Variants in DLGAP2 observed in about 807,000 individuals in gnomAD.
DLGAP2 encodes the protein disks large-associated protein 2.
A neutral mutation model predicts 100.3 loss-of-function variants in DLGAP2; 26 were observed. That is an observed-to-expected ratio of 0.26 (90% CI 0.19 to 0.36). The LOEUF is 0.36. DLGAP2 is among the 10% of genes least tolerant of loss of function. The pLI is 1.00. For missense variants in DLGAP2, 1,858 were observed against 1,453.2 expected, an observed-to-expected ratio of 1.28 and a Z score of -4.53; for synonymous variants, 886 against 630.1, an observed-to-expected ratio of 1.41 and a Z score of -6.08.
Position 819,879 on chromosome 8 carries a change from C to A in DLGAP2, c.18+82054C>A, listed in dbSNP as rs529204496. 5.9e-5 allele frequency among the ~76,000 whole-genome samples: 9 copies of A among 152,212 alleles called. No individual in the cohort carries two copies. In the South Asian group the frequency reaches 1.9e-3, roughly 32 times the overall value. On this transcript the variant is annotated intron_variant, in intron 1 of 14. Coordinates refer to ENST00000637795, the MANE Select transcript of DLGAP2 (RefSeq NM_001346810.2). ...GTGGTGACTGTGGATTATATCATTT[C>A]CATGCGAACCCTTTCCTGTTTGGAT...
chr8:1,298,833 A>C (rs1380034602), intron 3 of DLGAP2, among the ~76,000 whole-genome samples: 1 of 152,242 alleles, frequency 6.6e-6, no homozygotes, highest in Non-Finnish European at 1.5e-5. Context: ...GCTCATGAAC[A>C]GGTGCTGGTA....
intron 2 of DLGAP2, among the ~76,000 whole-genome samples, chr8:1,206,732 C>A (rs923666000): frequency 9.9e-5 from 15 of 152,222 alleles, no homozygotes; most frequent in African/African-American, 3.4e-4. Context: ...TTAGCTGCGT[C>A]CTGGAGAACT....
chr8:988,954 C>G (rs1267333662), intron 2 of DLGAP2, among the ~76,000 whole-genome samples: 2 of 152,186 alleles, frequency 1.3e-5, no homozygotes, highest in African/African-American at 2.4e-5. Flanking sequence ...ATTTTTACCT[C>G]TTTTCTTCTC....
intron 2 of DLGAP2, among the ~76,000 whole-genome samples, chr8:1,110,048 G>A (rs949137169): frequency 7.0e-6 from 1 of 142,698 alleles, no homozygotes; most frequent in Non-Finnish European, 1.5e-5. Flanking sequence ...TATGAAGTGT[G>A]CTGGGTCTGT....
chr8:1,066,014 C>T lies in DLGAP2; in HGVS notation c.73+158048C>T, dbSNP rs150017005. On this transcript the variant is annotated intron_variant, in intron 2 of 14. Coordinates refer to ENST00000637795, the MANE Select transcript of DLGAP2 (RefSeq NM_001346810.2). ...TGGCCACGTCGTGGTGGTGTCCAGG[C>T]TGTGCAGTTGCTGGGGCTAGGTCCG... Among the ~76,000 whole-genome samples the T allele has an allele frequency of 2.5e-3, 374 of 152,372 alleles. 1 individual carries two copies. The highest frequency in any genetic ancestry group is 8.1e-3 in the African/African-American group (336 of 41,592).
At chr8:812,264 C>G (rs930067794) in intron 1 of DLGAP2, among the ~76,000 whole-genome samples, 1 of 152,168 alleles carries the variant, frequency 6.6e-6, no homozygotes, top group Non-Finnish European at 1.5e-5. Flanking sequence ...GGCCCCATGA[C>G]CTTCTGCGTG....
At chr8:1,681,606 C>A (rs181306098) in intron 12 of DLGAP2, among the ~76,000 whole-genome samples, 1 of 150,408 alleles carries the variant, frequency 6.6e-6, no homozygotes, top group East Asian at 2.0e-4. Flanking sequence ...TGCAGTGAGC[C>A]GAGATCTCAC....
chr8:1,563,148 TG>T (rs1285958241), intron 5 of DLGAP2, among the ~76,000 whole-genome samples: 15 of 57,278 alleles, frequency 2.6e-4, no homozygotes, highest in African/African-American at 4.2e-4. Flanking sequence ...TGTGTGGTGT[TG>T]GGGTGTCCGC....
chr8:1,507,877 C>T (rs1216877495), intron 4 of DLGAP2, among the ~76,000 whole-genome samples: 2 of 147,816 alleles, frequency 1.4e-5, no homozygotes, highest in Non-Finnish European at 3.0e-5. Flanking sequence ...GTTCAGGCTT[C>T]AGCCTTGACC....
intron 2 of DLGAP2, among the ~76,000 whole-genome samples, chr8:926,199 C>G (rs112238357): frequency 6.6e-6 from 1 of 152,176 alleles, no homozygotes; most frequent in East Asian, 1.9e-4. Context: ...CCAGAGCCCA[C>G]GCCCACCACT....
intron 2 of DLGAP2, among the ~76,000 whole-genome samples, chr8:1,160,173 C>A (rs774464699): frequency 1.6e-4 from 24 of 152,198 alleles, no homozygotes; most frequent in Admixed American, 5.9e-4. Context: ...AAAACTGAGG[C>A]TGCTACTTAG....
intron 2 of DLGAP2, among the ~76,000 whole-genome samples, chr8:1,253,168 G>A (rs937426255): frequency 2.6e-5 from 4 of 152,220 alleles, no homozygotes; most frequent in Admixed American, 6.5e-5. Flanking sequence ...TCAGGAAAGC[G>A]GTACCCATCC....
At chr8:1,437,951 A>C (rs1797698521) in intron 3 of DLGAP2, among the ~76,000 whole-genome samples, 3 of 152,040 alleles carry the variant, frequency 2.0e-5, no homozygotes. Flanking sequence ...GCACCACTGC[A>C]CTCCAGCCTG....
intron 8 of DLGAP2, among the ~76,000 whole-genome samples, chr8:1,649,533 A>G (rs1477458071): frequency 6.6e-6 from 1 of 152,226 alleles, no homozygotes; most frequent in Non-Finnish European, 1.5e-5. Context: ...AGAGTGCTAG[A>G]AATTTAACTG....
intron 2 of DLGAP2, among the ~76,000 whole-genome samples, chr8:981,386 G>A (rs1304165898): frequency 2.0e-5 from 3 of 152,148 alleles, no homozygotes; most frequent in South Asian, 2.1e-4. Flanking sequence ...AGGCAACAAC[G>A]ACACTGGTGT....
chr8:1,332,807 A>T (rs1316775791), intron 3 of DLGAP2, among the ~76,000 whole-genome samples: 1 of 152,150 alleles, frequency 6.6e-6, no homozygotes, highest in East Asian at 1.9e-4. Context: ...TTCATAACCA[A>T]GCATCAGATC....
chr8:1,064,037 G>A (rs1398133487), intron 2 of DLGAP2, among the ~76,000 whole-genome samples: 4 of 151,938 alleles, frequency 2.6e-5, no homozygotes, highest in African/African-American at 4.9e-5. Flanking sequence ...GTTAGGAGAT[G>A]CCAGCCTTTA....
chr8:1,448,068 T>G (rs1399900232), intron 3 of DLGAP2, among the ~76,000 whole-genome samples: 1 of 152,220 alleles, frequency 6.6e-6, no homozygotes, highest in Non-Finnish European at 1.5e-5. Context: ...TTGAAGGGTT[T>G]TTTGTGTCTC....
At chr8:1,429,275 G>A (rs568557999) in intron 3 of DLGAP2, among the ~76,000 whole-genome samples, 5 of 152,188 alleles carry the variant, frequency 3.3e-5, no homozygotes, top group East Asian at 3.9e-4. Flanking sequence ...AAGGGCTCTC[G>A]TTTCATTTCA....
Sources: allele counts gnomAD v4.1 joint callset (sites outside exome capture counted in the v4.1 genomes callset), GRCh38; gene constraint gnomAD v4.1.1; transcripts MANE v1.5; gene names NCBI Gene and HGNC (gene_info 2026-07-23, HGNC 2026-07-21).